ATP6V0A4: variants seen among roughly 807,000 people sequenced by gnomAD.
ATP6V0A4 encodes V-type proton ATPase 116 kDa subunit a 4.
Under a neutral mutation model 107.3 loss-of-function variants are expected in ATP6V0A4, and 86 were observed. That is an observed-to-expected ratio of 0.80 (90% CI 0.67 to 0.96). The LOEUF (loss-of-function observed/expected upper bound fraction) is 0.96. Ranked by LOEUF, ATP6V0A4 falls within the 40% of genes least tolerant of loss-of-function variation. The pLI, the probability that ATP6V0A4 is intolerant of heterozygous loss-of-function variation, is 0.00. For synonymous variants in ATP6V0A4, 353 were observed against 381.4 expected, an observed-to-expected ratio of 0.93 and a Z score of 0.87; for missense variants, 908 against 1,045.6, an observed-to-expected ratio of 0.87 and a Z score of 1.81.
At chr7:138,755,180 A>G (rs757004624) in intron 10 of ATP6V0A4, among the ~76,000 whole-genome samples, 17 of 152,254 alleles carry the variant, frequency 1.1e-4, no homozygotes, top group Non-Finnish European at 2.1e-4. Flanking sequence ...ATTTCTGATC[A>G]TAAGTGTGTT....
At chr7:138,767,178 A>G (rs1807132725) in intron 5 of ATP6V0A4, among the ~76,000 whole-genome samples, 1 of 152,248 alleles carries the variant, frequency 6.6e-6, no homozygotes, top group African/African-American at 2.4e-5. Context: ...AAGTGAATTA[A>G]TACATAAATA....
intron 20 of ATP6V0A4, among the ~76,000 whole-genome samples, chr7:138,714,405 C>G (rs146088037): frequency 6.6e-6 from 1 of 151,822 alleles, no homozygotes; most frequent in South Asian, 2.1e-4. Context: ...GTTAGGCAAC[C>G]CCAGGGGCTC....
At chr7:138,752,906 G>C in intron 10 of ATP6V0A4, 69 bp from the exon 11 acceptor site, 1 of 1,589,862 alleles carries the variant, frequency 6.3e-7, no homozygotes, top group Non-Finnish European at 8.5e-7. Flanking sequence ...TGCCAAAAAT[G>C]GAGTGTCACA....
Position 138,750,992 on chromosome 7 carries a change from G to A in ATP6V0A4, c.1029+1633C>T, listed in dbSNP as rs796866144. The stretch of plus-strand genomic sequence containing the variant: ...AAGGCCTTTACCTTCAGATTCCTCC[G>A]CCTGAAAAACCCTTCCTCCCGCCCC... On this transcript the variant is annotated intron_variant, in intron 11 of 21. Transcript: ENST00000310018. Among the ~76,000 whole-genome samples, 18 of 151,860 alleles carry A rather than the reference G, an allele frequency of 1.2e-4. 1 individual carries two copies. Among genetic ancestry groups the A allele is most frequent in the African/African-American group, 3.9e-4 (16 of 41,380 alleles).
intron 19 of ATP6V0A4, among the ~76,000 whole-genome samples, chr7:138,720,092 A>C (rs1804356834): frequency 6.6e-6 from 1 of 151,870 alleles, no homozygotes; most frequent in South Asian, 2.1e-4. Context: ...TTTTGGCCCC[A>C]AAGGACCCTA....
chr7:138,714,289 C>G (rs10429003), intron 20 of ATP6V0A4, among the ~76,000 whole-genome samples: 82,203 of 149,334 alleles, frequency 0.55, 22,961 homozygotes, highest in East Asian at 0.73. Flanking sequence ...ACGGATGGGT[C>G]TGGAGTGCTG....
intron 2 of ATP6V0A4, among the ~76,000 whole-genome samples, chr7:138,775,538 G>T (rs774503240): frequency 1.3e-5 from 2 of 151,602 alleles, no homozygotes; most frequent in African/African-American, 4.9e-5. Flanking sequence ...GTGTGGTGGC[G>T]CAAACACAGC....
At chr7:138,737,585 T>C (rs34132601) in intron 15 of ATP6V0A4, among the ~76,000 whole-genome samples, 67,251 of 141,612 alleles carry the variant, frequency 0.47, 16,967 homozygotes, top group East Asian at 0.78. Flanking sequence ...TTTTCTTTTT[T>C]TTTTTTTTTT....
At chr7:138,721,649 C>A (rs1320968141) in intron 19 of ATP6V0A4, among the ~76,000 whole-genome samples, 2 of 152,204 alleles carry the variant, frequency 1.3e-5, no homozygotes, top group Non-Finnish European at 2.9e-5. Flanking sequence ...CTGACACATA[C>A]AGATGCAGCG....
intron 18 of ATP6V0A4, among the ~76,000 whole-genome samples, chr7:138,724,215 G>A (rs1804591545): frequency 6.8e-6 from 1 of 147,826 alleles, no homozygotes; most frequent in Non-Finnish European, 1.5e-5. Context: ...AAAAAAGTGT[G>A]TGTATAGGGG....
At chr7:138,731,363 C>A (rs1805006117) in intron 17 of ATP6V0A4, among the ~76,000 whole-genome samples, 1 of 152,212 alleles carries the variant, frequency 6.6e-6, no homozygotes, top group Non-Finnish European at 1.5e-5. Context: ...CCCCAACAGA[C>A]AACCTCTGCA....
At chr7:138,761,872 G>A in intron 7 of ATP6V0A4, among the ~76,000 whole-genome samples, 1 of 151,976 alleles carries the variant, frequency 6.6e-6, no homozygotes, top group South Asian at 2.1e-4. Context: ...AGAGATTGGG[G>A]TTTCACTATG....
At chr7:138,723,877 G>A (rs889601740) in intron 18 of ATP6V0A4, among the ~76,000 whole-genome samples, 1 of 151,814 alleles carries the variant, frequency 6.6e-6, no homozygotes, top group South Asian at 2.1e-4. Flanking sequence ...AGGGCTCTGG[G>A]CAAGAGCAAA....
At chr7:138,735,883 A>AC (rs1004232673) in intron 15 of ATP6V0A4, among the ~76,000 whole-genome samples, 10 of 26,806 alleles carry the variant, frequency 3.7e-4, no homozygotes, top group African/African-American at 1.8e-3. Context: ...ACAAAGTGAG[A>AC]CCCCGTCTCT....
chr7:138,770,272 AAAGGAAGG>A (rs1022195577), intron 3 of ATP6V0A4, among the ~76,000 whole-genome samples: 1 of 145,700 alleles, frequency 6.9e-6, no homozygotes, highest in Non-Finnish European at 1.5e-5. Context: ...AGGAAGGAAG[AAAGGAAGG>A]AAGGAAGGAA....
intron 15 of ATP6V0A4, 60 bp from the exon 16 acceptor site, chr7:138,734,314 T>G: frequency 6.2e-7 from 1 of 1,606,996 alleles, no homozygotes; most frequent in Non-Finnish European, 8.5e-7. Flanking sequence ...TCTACTGGAG[T>G]TGAGGGCTAC....
intron 2 of ATP6V0A4, among the ~76,000 whole-genome samples, chr7:138,774,562 C>T (rs2353844): frequency 0.084 from 12,215 of 145,962 alleles, 600 homozygotes; most frequent in Middle Eastern, 0.22. Context: ...GCCTGGGCAA[C>T]AGAGCCAGAC....
chr7:138,745,962 A>AAAAAATATATATATATATATATATAT (rs1554396065), intron 13 of ATP6V0A4, among the ~76,000 whole-genome samples: 1 of 65,634 alleles, frequency 1.5e-5, no homozygotes, highest in African/African-American at 6.7e-5. Flanking sequence ...AAAAAAAAAA[A>AAAAAATATATATATATATATATATAT]ATATATATAT....
chr7:138,706,542 G>T lies in ATP6V0A4; in HGVS notation c.*82C>A. 1 of 1,512,306 alleles carries T rather than the reference G, an allele frequency of 6.6e-7. No individual in the cohort carries two copies. The highest frequency in any genetic ancestry group is 9.1e-7 in the Non-Finnish European group (1 of 1,095,286). The allele number at this position is 1,512,306 out of a possible 1,614,324, so 93.7% of individuals were successfully genotyped here. A position where few individuals can be genotyped will look rare whatever the true frequency, so the allele number is the denominator to read the frequency against. On this transcript the variant is annotated 3_prime_UTR_variant, in exon 22 of 22. Transcript: ENST00000310018. The stretch of plus-strand genomic sequence containing the variant: ...GCCAAGAACAACCTTCCCATTGAGC[G>T]CCTTGCAGGGGCTGATATCAAAGAC...
Sources: allele counts gnomAD v4.1 joint callset (sites outside exome capture counted in the v4.1 genomes callset), GRCh38; gene constraint gnomAD v4.1.1; transcripts MANE v1.5; gene names NCBI Gene and HGNC (gene_info 2026-07-23, HGNC 2026-07-21).